THBS2: variants seen among roughly 807,000 people sequenced by gnomAD.
The protein encoded by THBS2 is thrombospondin-2.
Under a neutral mutation model 135.2 loss-of-function variants are expected in THBS2, and 47 were observed. The observed-to-expected ratio is 0.35, with a 90% CI of 0.28 to 0.44. THBS2 has a LOEUF of 0.44. Ranked by LOEUF, THBS2 falls within the 20% of genes least tolerant of loss-of-function variation. The probability of loss-of-function intolerance (pLI) is 1.00; values close to 1 mark genes in which losing one functional copy is unlikely to be tolerated. For missense variants in THBS2, 1,288 were observed against 1,603.1 expected (o/e 0.80, Z 3.36); for synonymous variants, 639 against 633.8 (o/e 1.01, Z -0.12).
At chr6:169,218,232 GT>G in intron 21 of THBS2, among the ~76,000 whole-genome samples, 2 of 145,194 alleles carry the variant, frequency 1.4e-5, no homozygotes, top group African/African-American at 2.6e-5. Context: ...AGATGGTTGG[GT>G]GGCTGGATGA....
intron 21 of THBS2, 132 bp from the exon 22 acceptor site, chr6:169,217,961 G>C: frequency 1.3e-6 from 1 of 778,438 alleles, no homozygotes; most frequent in Non-Finnish European, 2.0e-6. Context: ...TGGATGGATG[G>C]ATGGATGGAT....
rs185616415 is a variant in THBS2, at chr6:169,238,359, C to G, written c.1130-564G>C. 8.9e-4 allele frequency among the ~76,000 whole-genome samples: 136 copies of G among 152,230 alleles called. 2 individuals are homozygous for G. Among genetic ancestry groups the G allele is most frequent in the Admixed American group, 5.7e-3 (87 of 15,296 alleles). ...CCGCTAAATGGGGGGAAAGAGCAAC[C>G]TGACGCCAGAAATCATTCCCGTGAG... On this transcript the variant is annotated intron_variant, in intron 7 of 21. Transcript: ENST00000617924.
chr6:169,230,947 A>G (rs1245729105), intron 13 of THBS2, among the ~76,000 whole-genome samples: 1 of 152,248 alleles, frequency 6.6e-6, no homozygotes, highest in Non-Finnish European at 1.5e-5. Context: ...GAATATATTT[A>G]TATTTTCAAA....
intron 18 of THBS2, among the ~76,000 whole-genome samples, chr6:169,222,851 A>G (rs995545509): frequency 5.3e-5 from 8 of 151,422 alleles, no homozygotes; most frequent in Admixed American, 1.3e-4. Flanking sequence ...GGCAATCCCC[A>G]GCTTGGCCCT....
Position 169,220,344 on chromosome 6 carries a change from A to T in THBS2, c.3372-7T>A. On this transcript the variant is annotated splice_polypyrimidine_tract_variant and splice_region_variant and intron_variant, in intron 20 of 21. Transcript: ENST00000617924. ...TCCTTCATGCACTAAGACTCTAAAA[A>T]TGGTGTTTAAAAAGAAGAAGAGGAA... The T allele has an allele frequency of 1.9e-6, 3 of 1,595,840 alleles. 1 individual carries two copies. In the South Asian group the frequency reaches 3.4e-5, roughly 18 times the overall value.
rs1779451525 is a variant in THBS2 at position 169,222,185 on chromosome 6, AG to A, written c.3273+11del. ...GCAGAGGAGATGTGTGGGCCTGGCC[AG>A]CCAACCTCACCTGCCCCGGCGTGTT... On this transcript the variant is annotated intron_variant, in intron 19 of 21. Transcript: ENST00000617924. The A allele has an allele frequency of 1.9e-6, 3 of 1,588,698 alleles. No individual in the cohort carries two copies. In the South Asian group the frequency reaches 3.4e-5, roughly 18 times the overall value.
chr6:169,232,094 C>G lies in THBS2; in HGVS notation c.2037G>C (p.Glu679Asp). The change falls in exon 13 of 22, where the codon GAG becomes GAC. Residue 679 changes from glutamate to aspartate, a missense_variant. This residue lies in a region of THBS2 where 874 missense variants were observed against 1,156.1 expected (regional missense o/e 0.76). Transcript: ENST00000617924. Reference sequence around the variant, plus strand: ...CGTCGCCCGCGTAGCCTGTCTGGCACTCGCACTTGTACATGGGGTCGCTGA... The same window carrying G: ...CGTCGCCCGCGTAGCCTGTCTGGCAGTCGCACTTGTACATGGGGTCGCTGA... ...GHFSDPMYKC[E>D]CQTGYAGDGL... is the part of the protein sequence containing the mutation. 1 of 1,614,132 alleles carries G rather than the reference C, an allele frequency of 6.2e-7. No homozygotes were observed. Among genetic ancestry groups the G allele is most frequent in the Non-Finnish European group, 8.5e-7 (1 of 1,179,998 alleles).
At chr6:169,242,897 G>C (rs1357074005) in intron 4 of THBS2, among the ~76,000 whole-genome samples, 4 of 5,192 alleles carry the variant, frequency 7.7e-4, no homozygotes, top group Admixed American at 3.1e-3. Context: ...CACCTTCCCA[G>C]TGCTCCCATC....
In THBS2 at chr6:169,228,294, G is replaced by C; in HGVS notation, c.2260-13C>G. The C allele has an allele frequency of 1.2e-6, 2 of 1,613,788 alleles. No individual in the cohort carries two copies. The highest frequency in any genetic ancestry group is 1.7e-6 in the Non-Finnish European group (2 of 1,179,890). On this transcript the variant is annotated splice_polypyrimidine_tract_variant and intron_variant, in intron 14 of 21. Coordinates refer to ENST00000617924, the MANE Select transcript of THBS2 (RefSeq NM_003247.5). The stretch of plus-strand genomic sequence containing the variant: ...GCTGGCAGTTGTCCTGGAAAACCAA[G>C]AAAGGGAAGACTTTAACGAAGATCA...
chr6:169,253,371 ATCT>A (rs897248443), intron 1 of THBS2, among the ~76,000 whole-genome samples: 21 of 152,194 alleles, frequency 1.4e-4, no homozygotes, highest in Non-Finnish European at 1.6e-4. Flanking sequence ...CTCATGTGGA[ATCT>A]TCTTCTTCGG....
chr6:169,249,037 A>G (rs961607907), intron 2 of THBS2, 64 bp from the exon 3 acceptor site: 36 of 1,488,018 alleles, frequency 2.4e-5, no homozygotes, highest in African/African-American at 4.2e-5. Flanking sequence ...GGCCTGACCC[A>G]GGGTGACAAA....
rs745640435 is a variant in THBS2, at chr6:169,222,267, A to G, written c.3203T>C (p.Val1068Ala). 6.2e-7 allele frequency: 1 copy of G among 1,613,092 alleles called. No homozygotes were observed. Among genetic ancestry groups the G allele is most frequent in the African/African-American group, 1.3e-5 (1 of 74,916 alleles). The change falls in exon 19 of 22, where the codon GTG becomes GCG. Residue 1068 changes from valine (V) to alanine (A), a missense_variant. Around this residue, in one of 2 missense-constraint regions of THBS2, gnomAD observed 874 missense variants for 1,156.1 expected, o/e 0.76. Transcript: ENST00000617924. ...YGYSGVSLKV[V>A]NSTTGTGEHL... Reference sequence around the variant, plus strand: ...CTCGCCCGTCCCCGTGGTGGAGTTCACCACCTTGAGGGACACGCCGGAGTA... The same window carrying G: ...CTCGCCCGTCCCCGTGGTGGAGTTCGCCACCTTGAGGGACACGCCGGAGTA...
intron 18 of THBS2, 64 bp from the exon 19 acceptor site, chr6:169,222,532 T>G: frequency 6.4e-7 from 1 of 1,555,674 alleles, no homozygotes. Context: ...TAGTGACTCA[T>G]GCCTGTAATC....
rs1027559983 is a variant in THBS2, at chr6:169,217,693, A to C, written c.*129T>G. On this transcript the variant is annotated 3_prime_UTR_variant, in exon 22 of 22. Coordinates refer to ENST00000617924, the MANE Select transcript of THBS2 (RefSeq NM_003247.5). ...TTGGGGTTGCTGGCAGGAGGTGAAGAACCATCAGAGTTAAGGTCAAGGGAC... is the reference window on the plus strand; with the variant it reads ...TTGGGGTTGCTGGCAGGAGGTGAAGCACCATCAGAGTTAAGGTCAAGGGAC... 1 of 1,034,986 alleles carries C rather than the reference A, an allele frequency of 9.7e-7. No individual in the cohort carries two copies. Among genetic ancestry groups the C allele is most frequent in the African/African-American group, 1.6e-5 (1 of 61,672 alleles). The allele number at this position is 1,034,986 out of a possible 1,614,324, so 64.1% of individuals were successfully genotyped here. A position where few individuals can be genotyped will look rare whatever the true frequency, so the allele number is the denominator to read the frequency against.
chr6:169,222,436 C>T lies in THBS2; in HGVS notation c.3034G>A (p.Gly1012Ser). ...FDEFGSVDFS[G>S]TFYVNTDRDD... Reference sequence around the variant, plus strand: ...CGGTCAGTGTTTACGTAGAATGTGCCACTGAAGTCCACAGACCCAAACTCG... The same window carrying T: ...CGGTCAGTGTTTACGTAGAATGTGCTACTGAAGTCCACAGACCCAAACTCG... The change falls in exon 19 of 22, where the codon GGC becomes AGC. Residue 1012 changes from glycine to serine, a missense_variant. This residue lies in a region of THBS2 where 874 missense variants were observed against 1,156.1 expected (regional missense o/e 0.76). Transcript: ENST00000617924. The T allele has an allele frequency of 1.2e-6, 2 of 1,613,742 alleles. No homozygotes were observed. Among genetic ancestry groups the T allele is most frequent in the Admixed American group, 1.7e-5 (1 of 60,020 alleles).
At chr6:169,242,883 C>CAT (rs1780393466) in intron 4 of THBS2, among the ~76,000 whole-genome samples, 1 of 30,530 alleles carries the variant, frequency 3.3e-5, no homozygotes, top group African/African-American at 1.9e-4. Context: ...CTTCCCACCA[C>CAT]TCCCACCTTC....
At chr6:169,227,132 C>T (rs1349048264) in intron 15 of THBS2, among the ~76,000 whole-genome samples, 1 of 152,148 alleles carries the variant, frequency 6.6e-6, no homozygotes, top group Non-Finnish European at 1.5e-5. Flanking sequence ...GACTGAGAAA[C>T]CCGCTGTGAG....
Position 169,241,449 on chromosome 6 carries a change from G to A in THBS2, c.891+313C>T, listed in dbSNP as rs1288399627. ...TGTATGTGTGTGTGTATGTGTGTGT[G>A]TGTGTGTACACTCATACCTACAGAT... On this transcript the variant is annotated intron_variant, in intron 5 of 21. Transcript: ENST00000617924. The surrounding 1 kb of genome is among the most constrained non-coding windows in gnomAD (Gnocchi z 5.5). Among the ~76,000 whole-genome samples, 1 of 147,804 alleles carries A rather than the reference G, an allele frequency of 6.8e-6. No homozygotes were observed. Among genetic ancestry groups the A allele is most frequent in the Non-Finnish European group, 1.5e-5 (1 of 67,102 alleles).
rs1779713206 is a variant in THBS2, at chr6:169,228,293, A to G, written c.2260-12T>C. The G allele has an allele frequency of 6.2e-7, 1 of 1,613,702 alleles. No homozygotes were observed. Among genetic ancestry groups the G allele is most frequent in the African/African-American group, 1.3e-5 (1 of 74,934 alleles). ...AGCTGGCAGTTGTCCTGGAAAACCAAGAAAGGGAAGACTTTAACGAAGATC... is the reference window on the plus strand; with the variant it reads ...AGCTGGCAGTTGTCCTGGAAAACCAGGAAAGGGAAGACTTTAACGAAGATC... On this transcript the variant is annotated splice_polypyrimidine_tract_variant and intron_variant, in intron 14 of 21. Coordinates refer to ENST00000617924, the MANE Select transcript of THBS2 (RefSeq NM_003247.5).
Sources: allele counts gnomAD v4.1 joint callset (sites outside exome capture counted in the v4.1 genomes callset), GRCh38; gene constraint gnomAD v4.1.1; regional missense constraint gnomAD v4.1.1; non-coding constraint Gnocchi (gnomAD v3.1); transcripts MANE v1.5; gene names NCBI Gene and HGNC (gene_info 2026-07-23, HGNC 2026-07-21).